EYS: variants seen among roughly 807,000 people sequenced by gnomAD.
EYS encodes protein eyes shut homolog.
In EYS, 250 loss-of-function variants were observed where a neutral mutation model predicts 282.1. The observed-to-expected ratio is 0.89, with a 90% CI of 0.80 to 0.98. The LOEUF (loss-of-function observed/expected upper bound fraction) is 0.98. Among genes scored for constraint, EYS ranks in the 50% least tolerant of loss-of-function variants. EYS has a pLI of 0.00. For synonymous variants in EYS, 1,355 were observed against 1,282.9 expected (o/e 1.06, Z -1.20); for missense variants, 4,016 against 3,709.0 (o/e 1.08, Z -2.15).
chr6:65,036,003 A>G (rs1772757918), intron 13 of EYS, among the ~76,000 whole-genome samples: 1 of 150,446 alleles, frequency 6.6e-6, no homozygotes, highest in Non-Finnish European at 1.5e-5. Context: ...TATGGAACCA[A>G]AAAGAGCCTG....
intron 36 of EYS, among the ~76,000 whole-genome samples, chr6:63,851,282 A>G (rs927643915): frequency 6.6e-6 from 1 of 152,188 alleles, no homozygotes; most frequent in African/African-American, 2.4e-5. Flanking sequence ...AAAATTAACA[A>G]GAATATTCAG....
At chr6:64,103,367 G>A (rs1025130727) in intron 31 of EYS, among the ~76,000 whole-genome samples, 32 of 152,104 alleles carry the variant, frequency 2.1e-4, no homozygotes, top group African/African-American at 6.0e-4. Flanking sequence ...AGGGAGGATC[G>A]GAGATATACT....
At position 65,248,145 on chromosome 6, in the gene EYS, C is replaced by G. The variant is rs551927542; in HGVS notation, c.2023+47718G>C. The stretch of plus-strand genomic sequence containing the variant: ...CAATTTTAACACTCCCCAGAGAGCT[C>G]TCAGACATTTATGTGATTTAATGGC... On this transcript the variant is annotated intron_variant, in intron 12 of 42. Coordinates refer to ENST00000503581, the MANE Select transcript of EYS (RefSeq NM_001142800.2). 5.9e-5 allele frequency among the ~76,000 whole-genome samples: 9 copies of G among 152,080 alleles called. No homozygotes were observed. The South Asian group carries it at 1.9e-3, about 32-fold the overall frequency.
chr6:64,806,697 A>G (rs1764439530), intron 22 of EYS, among the ~76,000 whole-genome samples: 1 of 152,066 alleles, frequency 6.6e-6, no homozygotes, highest in Non-Finnish European at 1.5e-5. Flanking sequence ...ATAACGACCA[A>G]GGAGAATCAA....
intron 15 of EYS, among the ~76,000 whole-genome samples, chr6:64,918,341 A>G (rs1414417557): frequency 2.0e-5 from 3 of 152,172 alleles, no homozygotes; most frequent in Non-Finnish European, 2.9e-5. Flanking sequence ...GCCTAAAAAC[A>G]GTAATAGCAA....
At chr6:64,338,950 G>T (rs1211283655) in intron 29 of EYS, among the ~76,000 whole-genome samples, 2 of 135,194 alleles carry the variant, frequency 1.5e-5, no homozygotes, top group African/African-American at 2.9e-5. Context: ...AATGAAACTG[G>T]ATCCTCATCT....
At position 65,665,353 on chromosome 6, in the gene EYS, G is replaced by A. The variant is rs528984854; in HGVS notation, c.-447-25461C>T. Among the ~76,000 whole-genome samples the A allele has an allele frequency of 2.6e-5, 4 of 152,194 alleles. No individual in the cohort carries two copies. In the East Asian group the frequency reaches 7.7e-4, roughly 29 times the overall value. Reference sequence around the variant, plus strand: ...ATCTCTTAAAGCTCGGTCTTAAGACGAAGGGGCTAAAGGCCTGAGTTTCAA... The same window carrying A: ...ATCTCTTAAAGCTCGGTCTTAAGACAAAGGGGCTAAAGGCCTGAGTTTCAA... On this transcript the variant is annotated intron_variant, in intron 1 of 42. Coordinates refer to ENST00000503581, the MANE Select transcript of EYS (RefSeq NM_001142800.2).
intron 13 of EYS, among the ~76,000 whole-genome samples, chr6:65,037,391 A>G (rs1423823506): frequency 6.6e-6 from 1 of 151,756 alleles, no homozygotes; most frequent in East Asian, 1.9e-4. Flanking sequence ...GAAATAATCT[A>G]TCTGTACACC....
chr6:63,774,359 G>T (rs1770007940), intron 40 of EYS, among the ~76,000 whole-genome samples: 1 of 151,912 alleles, frequency 6.6e-6, no homozygotes, highest in African/African-American at 2.4e-5. Flanking sequence ...AGTAGAGATG[G>T]GGTTTTGCCA....
At chr6:63,901,952 G>T (rs892943619) in intron 35 of EYS, among the ~76,000 whole-genome samples, 2 of 152,018 alleles carry the variant, frequency 1.3e-5, no homozygotes, top group Non-Finnish European at 2.9e-5. Flanking sequence ...GAGTGCAGTG[G>T]CACAATCTTG....
At chr6:64,077,641 T>G (rs1438419374) in intron 32 of EYS, among the ~76,000 whole-genome samples, 1 of 152,024 alleles carries the variant, frequency 6.6e-6, no homozygotes, top group East Asian at 1.9e-4. Context: ...GTCAGATGTC[T>G]TCTCATAATT....
At chr6:64,623,318 T>C (rs758483287) in intron 23 of EYS, among the ~76,000 whole-genome samples, 7 of 152,162 alleles carry the variant, frequency 4.6e-5, no homozygotes, top group Non-Finnish European at 8.8e-5. Context: ...TGGGGGAATA[T>C]GAGAAATGAT....
chr6:65,685,822 T>C (rs902976539), intron 1 of EYS, among the ~76,000 whole-genome samples: 2 of 152,048 alleles, frequency 1.3e-5, no homozygotes, highest in Non-Finnish European at 2.9e-5. Context: ...TACAACAATG[T>C]TGCAATATAT....
At chr6:64,921,824 G>T (rs1768354239) in intron 15 of EYS, among the ~76,000 whole-genome samples, 1 of 152,152 alleles carries the variant, frequency 6.6e-6, no homozygotes, top group African/African-American at 2.4e-5. Context: ...AAAAGAATTA[G>T]ATGACAAATA....
chr6:63,812,011 C>T (rs552477829), intron 36 of EYS, among the ~76,000 whole-genome samples: 5 of 152,164 alleles, frequency 3.3e-5, no homozygotes, highest in East Asian at 3.8e-4. Context: ...AGCTGGTCTC[C>T]GTGTTGCTAC....
intron 29 of EYS, among the ~76,000 whole-genome samples, chr6:64,343,920 A>C (rs1017120955): frequency 1.3e-5 from 2 of 152,158 alleles, no homozygotes; most frequent in African/African-American, 4.8e-5. Flanking sequence ...AGAGAATACT[A>C]TAAACACCTC....
In EYS at chr6:64,299,528, C is replaced by T. The variant is rs552804365; in HGVS notation, c.6191+7442G>A. Among the ~76,000 whole-genome samples, 28 of 152,274 alleles carry T rather than the reference C, an allele frequency of 1.8e-4. No individual in the cohort carries two copies. In the South Asian group the frequency reaches 2.5e-3, roughly 14 times the overall value. On this transcript the variant is annotated intron_variant, in intron 30 of 42. Coordinates refer to ENST00000503581, the MANE Select transcript of EYS (RefSeq NM_001142800.2). The stretch of plus-strand genomic sequence containing the variant: ...GTGATTGTGACGGAACCCTTGAAAA[C>T]GAAGGTGAAAAGGACTGTGCAGTCA...
In EYS at chr6:65,460,488, T is replaced by C. The variant is rs1041201221; in HGVS notation, c.862+30106A>G. On this transcript the variant is annotated intron_variant, in intron 5 of 42. Coordinates refer to ENST00000503581, the MANE Select transcript of EYS (RefSeq NM_001142800.2). ...CATAGTTGTGAAACTCTTTAGCTCA[T>C]CTCATCAGACCTGATAATTTGGACC... Among the ~76,000 whole-genome samples, 4 of 152,056 alleles carry C rather than the reference T, an allele frequency of 2.6e-5. No homozygotes were observed. In the East Asian group the frequency reaches 7.7e-4, roughly 29 times the overall value.
intron 13 of EYS, among the ~76,000 whole-genome samples, chr6:64,999,077 A>G (rs748614949): frequency 1.3e-5 from 2 of 152,226 alleles, no homozygotes; most frequent in African/African-American, 4.8e-5. Context: ...TTTATTGTCA[A>G]TAAATGTGTT....
Sources: allele counts gnomAD v4.1 joint callset (sites outside exome capture counted in the v4.1 genomes callset), GRCh38; gene constraint gnomAD v4.1.1; transcripts MANE v1.5; gene names NCBI Gene and HGNC (gene_info 2026-07-23, HGNC 2026-07-21).